The following DAB1 variants were observed in gnomAD, a reference collection of about 807,000 sequenced individuals.
DAB1 encodes the protein DAB adaptor protein 1.
In DAB1, 15 loss-of-function variants were observed where a neutral mutation model predicts 64.6. That is an observed-to-expected ratio of 0.23 (90% CI 0.16 to 0.36). The LOEUF (loss-of-function observed/expected upper bound fraction) is 0.36. Ranked by LOEUF, DAB1 falls within the 10% of genes least tolerant of loss-of-function variation. DAB1 has a pLI of 1.00. For missense variants in DAB1, 596 were observed against 706.7 expected (o/e 0.84, Z 1.78); for synonymous variants, 235 against 251.9 (o/e 0.93, Z 0.64).
At chr1:57,574,733 C>G (rs1230845407) in intron 7 of DAB1, among the ~76,000 whole-genome samples, 2 of 152,154 alleles carry the variant, frequency 1.3e-5, no homozygotes, top group Admixed American at 1.3e-4. Flanking sequence ...AAGTACATGC[C>G]AGATCCCACC....
intron 2 of DAB1, among the ~76,000 whole-genome samples, chr1:57,227,529 G>T (rs1569968380): frequency 7.6e-6 from 1 of 132,080 alleles, no homozygotes; most frequent in Non-Finnish European, 1.5e-5. Context: ...TTGTGTGTGT[G>T]TGTGTGTGTG....
chr1:58,087,199 A>G (rs1176603543), intron 5 of DAB1, among the ~76,000 whole-genome samples: 1 of 152,238 alleles, frequency 6.6e-6, no homozygotes, highest in African/African-American at 2.4e-5. Context: ...TACTTAGTAG[A>G]GAGCAGGTAT....
chr1:57,473,254 C>T (rs1687204328), intron 7 of DAB1, among the ~76,000 whole-genome samples: 1 of 152,212 alleles, frequency 6.6e-6, no homozygotes, highest in African/African-American at 2.4e-5. Context: ...GTAATAGCTA[C>T]CTCACACAGT....
At chr1:58,341,477 C>T (rs970925214) in intron 4 of DAB1, among the ~76,000 whole-genome samples, 1 of 152,140 alleles carries the variant, frequency 6.6e-6, no homozygotes, top group African/African-American at 2.4e-5. Context: ...TGGAAAGAAC[C>T]TTGGAGTTTA....
At chr1:57,089,330 T>C (rs1653406169) in intron 4 of DAB1, among the ~76,000 whole-genome samples, 1 of 152,198 alleles carries the variant, frequency 6.6e-6, no homozygotes, top group African/African-American at 2.4e-5. Context: ...ATTAGGCCAT[T>C]CTTGCATTGC....
intron 5 of DAB1, among the ~76,000 whole-genome samples, chr1:57,989,075 T>C (rs1646288075): frequency 3.3e-5 from 5 of 152,160 alleles, no homozygotes; most frequent in African/African-American, 1.2e-4. Flanking sequence ...CTCCAAATCT[T>C]AGTTCTGCCA....
chr1:57,505,599 C>A (rs1171400717), intron 7 of DAB1, among the ~76,000 whole-genome samples: 1 of 152,148 alleles, frequency 6.6e-6, no homozygotes, highest in East Asian at 1.9e-4. Context: ...TTCTATAATT[C>A]TTGTACTTCT....
At chr1:57,875,493 G>A (rs1569897406) in intron 1 of DAB1, among the ~76,000 whole-genome samples, 1 of 152,110 alleles carries the variant, frequency 6.6e-6, no homozygotes, top group Admixed American at 6.6e-5. Context: ...CCTTCTGGGA[G>A]TCCTTCCTCT....
chr1:57,000,040 CTTTTT>C (rs397863684), intron 14 of DAB1, among the ~76,000 whole-genome samples: 1 of 112,470 alleles, frequency 8.9e-6, no homozygotes, highest in Non-Finnish European at 1.8e-5. Flanking sequence ...TTCCTTCTGC[CTTTTT>C]TTTTTTTTTT....
chr1:57,247,522 G>A (rs146096526), intron 2 of DAB1, among the ~76,000 whole-genome samples: 272 of 152,218 alleles, frequency 1.8e-3, no homozygotes, highest in African/African-American at 6.1e-3. Flanking sequence ...TTATAGCAGC[G>A]TGAGAACAGA....
intron 7 of DAB1, among the ~76,000 whole-genome samples, chr1:57,430,086 C>A (rs902182460): frequency 1.3e-5 from 2 of 152,084 alleles, no homozygotes; most frequent in Non-Finnish European, 2.9e-5. Flanking sequence ...AGTATGGATA[C>A]TTTAGCAACA....
At position 57,124,018 on chromosome 1, in the gene DAB1, A is replaced by G. The variant is rs1656904105; in HGVS notation, c.306+12525T>C. On this transcript the variant is annotated intron_variant, in intron 4 of 14. Coordinates refer to ENST00000371236, the MANE Select transcript of DAB1 (RefSeq NM_001365792.1). The stretch of plus-strand genomic sequence containing the variant: ...GAAAAAAGCATAAGGACCAGGCTCT[A>G]TCAACTACCACTGTGTAACTTTGGG... Among the ~76,000 whole-genome samples the G allele has an allele frequency of 2.0e-5, 3 of 152,320 alleles. 1 individual carries two copies. In the South Asian group the frequency reaches 6.2e-4, roughly 32 times the overall value.
At chr1:58,142,728 G>A (rs573780667) in intron 5 of DAB1, among the ~76,000 whole-genome samples, 19 of 152,248 alleles carry the variant, frequency 1.2e-4, no homozygotes, top group African/African-American at 2.2e-4. Context: ...TGCCTAATTC[G>A]TTCTCATGCT....
chr1:57,735,718 GT>G (rs1178073941), intron 6 of DAB1, among the ~76,000 whole-genome samples: 4 of 133,044 alleles, frequency 3.0e-5, no homozygotes, highest in African/African-American at 1.1e-4. Context: ...TCAGTCTTTT[GT>G]CTTGACTTTT....
At chr1:58,244,314 T>G (rs1660438250) in intron 4 of DAB1, among the ~76,000 whole-genome samples, 1 of 152,168 alleles carries the variant, frequency 6.6e-6, no homozygotes, top group South Asian at 2.1e-4. Context: ...TTCTAGGATC[T>G]TACACAGGTC....
At chr1:57,552,197 C>T (rs1644922130) in intron 7 of DAB1, among the ~76,000 whole-genome samples, 1 of 152,118 alleles carries the variant, frequency 6.6e-6, no homozygotes, top group Non-Finnish European at 1.5e-5. Flanking sequence ...TTCTTCAGAC[C>T]CTACTGAAGT....
At chr1:57,637,407 G>C (rs183013095) in intron 7 of DAB1, among the ~76,000 whole-genome samples, 108 of 152,318 alleles carry the variant, frequency 7.1e-4, no homozygotes, top group Non-Finnish European at 9.3e-4. Flanking sequence ...TCCTGTAGGA[G>C]CCAGCAAAGA....
chr1:57,664,579 A>T (rs572536240), intron 6 of DAB1, among the ~76,000 whole-genome samples: 1 of 152,292 alleles, frequency 6.6e-6, no homozygotes, highest in Non-Finnish European at 1.5e-5. Context: ...AAACATTAAA[A>T]TTTGCTTAAG....
At chr1:57,690,332 G>A (rs553547258) in intron 6 of DAB1, among the ~76,000 whole-genome samples, 9 of 152,248 alleles carry the variant, frequency 5.9e-5, no homozygotes, top group Admixed American at 4.6e-4. Flanking sequence ...TATGTCAGAG[G>A]AGGGGCATGG....
Sources: allele counts gnomAD v4.1 joint callset (sites outside exome capture counted in the v4.1 genomes callset), GRCh38; gene constraint gnomAD v4.1.1; transcripts MANE v1.5; gene names NCBI Gene and HGNC (gene_info 2026-07-23, HGNC 2026-07-21).